FAM20C: variants seen among roughly 807,000 people sequenced by gnomAD.
The protein encoded by FAM20C is FAM20C golgi associated secretory pathway kinase, also known as extracellular serine/threonine protein kinase FAM20C.
FAM20C carries 40 observed loss-of-function variants against 51.5 expected under a neutral mutation model. That is an observed-to-expected ratio of 0.78 (90% CI 0.60 to 1.01). The LOEUF is 1.01. Among genes scored for constraint, FAM20C ranks in the 50% least tolerant of loss-of-function variants. FAM20C has a pLI of 0.00. For synonymous variants in FAM20C, 406 were observed against 380.6 expected (o/e 1.07, Z -0.78); for missense variants, 861 against 844.7 (o/e 1.02, Z -0.24).
At chr7:198,083 G>A (rs1048725345) in intron 2 of FAM20C, among the ~76,000 whole-genome samples, 3 of 152,158 alleles carry the variant, frequency 2.0e-5, no homozygotes, top group Admixed American at 6.5e-5. Context: ...AGCTGATCTC[G>A]CTCGCTCGCC....
intron 3 of FAM20C, among the ~76,000 whole-genome samples, chr7:210,901 T>G (rs1786676393): frequency 6.6e-6 from 1 of 152,156 alleles, no homozygotes; most frequent in Non-Finnish European, 1.5e-5. Flanking sequence ...GGGCACTCGG[T>G]AGCTGTGGGC....
At chr7:258,447 G>C (rs1240710711) in intron 8 of FAM20C, among the ~76,000 whole-genome samples, 199 bp from the exon 9 acceptor site, 1 of 100,898 alleles carries the variant, frequency 9.9e-6, no homozygotes, top group Non-Finnish European at 2.1e-5. Flanking sequence ...GCTGGAGATG[G>C]GTGGGATGGA....
chr7:251,235 ACGCCTGCACTGAGTGGCCGGGCACGGTG>A lies in FAM20C; in HGVS notation c.1072+2806_1072+2833del, dbSNP rs1299786517. Among the ~76,000 whole-genome samples, 8 of 127,960 alleles carry A rather than the reference ACGCCTGCACTGAGTGGCCGGGCACGGTG, an allele frequency of 6.3e-5. No individual in the cohort carries two copies. The East Asian group carries it at 2.0e-3, about 32-fold the overall frequency. The allele number at this position is 127,960 out of a possible 152,430, so 83.9% of individuals were successfully genotyped here. On this transcript the variant is annotated intron_variant, in intron 5 of 9. Transcript: ENST00000313766. ...ACTGAGTGGCCGGGCACGGCGGCTC[ACGCCTGCACTGAGTGGCCGGGCACGGTG>A]GCTCACACGCCTGCAATCCCAGTAC...
intron 3 of FAM20C, 88 bp from the exon 4 acceptor site, chr7:246,327 A>G (rs554594507): frequency 1.4e-5 from 16 of 1,121,228 alleles, no homozygotes; most frequent in Admixed American, 6.0e-5. Context: ...CATTTTTCAT[A>G]TGAGGAACCC....
At chr7:205,130 G>A (rs141796787) in intron 2 of FAM20C, among the ~76,000 whole-genome samples, 5 of 152,202 alleles carry the variant, frequency 3.3e-5, no homozygotes, top group South Asian at 4.1e-4. Flanking sequence ...CGGGACAGGC[G>A]TCCACGTCCT....
At chr7:257,427 G>A (rs562465552) in intron 8 of FAM20C, 30 of 245,138 alleles carry the variant, frequency 1.2e-4, no homozygotes, top group Admixed American at 6.1e-4. Flanking sequence ...GGTACCTGGA[G>A]CCAGCCAGCG....
chr7:217,426 G>GAACTCCAGCCCCTCCCGGGTGCCCCC (rs1787049266), intron 3 of FAM20C, among the ~76,000 whole-genome samples: 1 of 151,712 alleles, frequency 6.6e-6, no homozygotes, highest in African/African-American at 2.4e-5. Flanking sequence ...GGGTAGAGCT[G>GAACTCCAGCCCCTCCCGGGTGCCCCC]CATTTGGCTG....
In FAM20C at chr7:253,533, C is replaced by T. The variant is rs185074478; in HGVS notation, c.1073-2316C>T. Among the ~76,000 whole-genome samples, 15 of 139,734 alleles carry T rather than the reference C, an allele frequency of 1.1e-4. No individual in the cohort carries two copies. In the East Asian group the frequency reaches 2.1e-3, roughly 20 times the overall value. The allele number at this position is 139,734 out of a possible 152,430, so 91.7% of individuals were successfully genotyped here. ...TTACTAAAATGGAAAAGGACTCACG[C>T]TCCTTCCTCCCAGAAAGCCCCCACT... On this transcript the variant is annotated intron_variant, in intron 5 of 9. Coordinates refer to ENST00000313766, the MANE Select transcript of FAM20C (RefSeq NM_020223.4).
chr7:260,049 C>T lies in FAM20C; in HGVS notation c.*69C>T. 7.0e-7 allele frequency: 1 copy of T among 1,434,698 alleles called. No homozygotes were observed. Among genetic ancestry groups the T allele is most frequent in the Non-Finnish European group, 9.2e-7 (1 of 1,092,816 alleles). 88.9% of individuals were successfully genotyped at this position (1,434,698 alleles called of 1,614,324 possible). On this transcript the variant is annotated 3_prime_UTR_variant, in exon 10 of 10. Transcript: ENST00000313766. Reference sequence around the variant, plus strand: ...CGGACCTCCCAGCAAGCGCATGCGCCCGTCGTGAATTCAGTGAATTCAGAG... The same window carrying T: ...CGGACCTCCCAGCAAGCGCATGCGCTCGTCGTGAATTCAGTGAATTCAGAG...
intron 3 of FAM20C, among the ~76,000 whole-genome samples, chr7:234,660 C>G (rs1470368858): frequency 6.6e-6 from 1 of 152,174 alleles, no homozygotes; most frequent in African/African-American, 2.4e-5. Flanking sequence ...CAGCATGTGG[C>G]TCCTTCCTGC....
Position 257,899 on chromosome 7 carries a change from G to A in FAM20C, c.1446-747G>A, listed in dbSNP as rs148271077. ...GGGTGGACCCACTGCCCAGGATGCT[G>A]GAGATGGGCTGGGTGGACACACTGC... On this transcript the variant is annotated intron_variant, in intron 8 of 9. Transcript: ENST00000313766. 7.4e-3 allele frequency among the ~76,000 whole-genome samples: 1,028 copies of A among 138,976 alleles called. 155 individuals are homozygous for A. Among genetic ancestry groups the A allele is most frequent in the African/African-American group, 0.028 (922 of 33,372 alleles). The allele number at this position is 138,976 out of a possible 152,430, so 91.2% of individuals were successfully genotyped here. A position where few individuals can be genotyped will look rare whatever the true frequency, so the allele number is the denominator to read the frequency against.
chr7:206,681 C>T (rs112439828), intron 2 of FAM20C, among the ~76,000 whole-genome samples: 66 of 97,356 alleles, frequency 6.8e-4, no homozygotes, highest in African/African-American at 1.8e-3. Context: ...CCCTCGGCCC[C>T]GCACACGTGC....
In FAM20C at chr7:224,025, C is replaced by T. The variant is rs865789456; in HGVS notation, c.863+15049C>T. Among the ~76,000 whole-genome samples, 211 of 147,662 alleles carry T rather than the reference C, an allele frequency of 1.4e-3. 1 individual carries two copies. Among genetic ancestry groups the T allele is most frequent in the Admixed American group, 5.6e-3 (84 of 14,900 alleles). On this transcript the variant is annotated intron_variant, in intron 3 of 9. Transcript: ENST00000313766. ...CGCCAGCACCATCACGGGGGTCGCA[C>T]GGCGGCTGTCCCCTGAGCCTTCTCT...
chr7:256,669 T>G lies in FAM20C; in HGVS notation c.1269T>G (p.Pro423=). The G allele has an allele frequency of 6.5e-7, 1 of 1,536,034 alleles. No homozygotes were observed. The highest frequency in any genetic ancestry group is 8.7e-7 in the Non-Finnish European group (1 of 1,146,814). ...KRKKAEWEVD[P]DYCEEVKQTP... is the part of the protein sequence containing the mutation. ...CTCCCCGCAGGTGGGAGGTGGACCC[T>G]GACTACTGCGAGGAGGTGAAGCAGA... Residue 423 remains proline, a synonymous_variant, in exon 7 of 10, where the codon CCT becomes CCG. Coordinates refer to ENST00000313766, the MANE Select transcript of FAM20C (RefSeq NM_020223.4).
intron 4 of FAM20C, 46 bp from the exon 5 acceptor site, chr7:248,269 C>G: frequency 7.1e-7 from 1 of 1,415,740 alleles, no homozygotes; most frequent in Non-Finnish European, 9.6e-7. Context: ...CAGAGGCCCG[C>G]TGAGCCGCAC....
intron 5 of FAM20C, among the ~76,000 whole-genome samples, chr7:249,201 C>T (rs1200895639): frequency 2.0e-5 from 3 of 152,186 alleles, no homozygotes; most frequent in Admixed American, 1.3e-4. Context: ...GCAGGACCCC[C>T]GTTGTATAGT....
At chr7:236,553 C>T (rs1333785513) in intron 3 of FAM20C, among the ~76,000 whole-genome samples, 2 of 152,242 alleles carry the variant, frequency 1.3e-5, no homozygotes, top group Non-Finnish European at 1.5e-5. Flanking sequence ...GTCTTGCTCC[C>T]ACTTCTTACT....
At chr7:236,739 GGTCCCGGTGGCTGTCGGGGTTTC>G (rs1787858845) in intron 3 of FAM20C, among the ~76,000 whole-genome samples, 3 of 150,578 alleles carry the variant, frequency 2.0e-5, no homozygotes, top group East Asian at 1.9e-4. Flanking sequence ...TGGAATCTGG[GGTCCCGGTGGCTGTCGGGGTTTC>G]ATGCGGAGGT....
At chr7:203,807 G>C (rs1786232560) in intron 2 of FAM20C, among the ~76,000 whole-genome samples, 2 of 152,162 alleles carry the variant, frequency 1.3e-5, no homozygotes, top group African/African-American at 4.8e-5. Context: ...ATAATATGTT[G>C]TTATTTTACA....
Sources: allele counts gnomAD v4.1 joint callset (sites outside exome capture counted in the v4.1 genomes callset), GRCh38; gene constraint gnomAD v4.1.1; transcripts MANE v1.5; gene names NCBI Gene and HGNC (gene_info 2026-07-23, HGNC 2026-07-21).